Variants in LY96 observed in about 807,000 individuals in gnomAD.
LY96 encodes the protein lymphocyte antigen 96.
LY96 carries 18 observed loss-of-function variants against 18.9 expected under a neutral mutation model. That is an observed-to-expected ratio of 0.95 (90% CI 0.66 to 1.41). LY96 has a LOEUF of 1.41. LY96 is among the 40% of genes most tolerant of loss of function. The probability of loss-of-function intolerance (pLI) is 0.00; values close to 1 mark genes in which losing one functional copy is unlikely to be tolerated. For missense variants in LY96, 175 were observed against 182.4 expected (o/e 0.96, Z 0.23); for synonymous variants, 66 against 62.6 (o/e 1.06, Z -0.26).
chr8:74,046,269 A>G, the LY96 span, among the ~76,000 whole-genome samples: 1 of 151,986 alleles, frequency 6.6e-6, no homozygotes, highest in Non-Finnish European at 1.5e-5. Context: ...ACAGAGTGAG[A>G]CTCCTTCTCA....
chr8:74,034,987 A>G, the LY96 span, among the ~76,000 whole-genome samples: 1 of 152,252 alleles, frequency 6.6e-6, no homozygotes, highest in East Asian at 1.9e-4. Flanking sequence ...AATTACTGAC[A>G]GGATAAAGAT....
chr8:74,054,928 G>GCAGGGT, the LY96 span, among the ~76,000 whole-genome samples: 1 of 151,594 alleles, frequency 6.6e-6, no homozygotes, highest in Non-Finnish European at 1.5e-5. Flanking sequence ...AATTTTTGAT[G>GCAGGGT]CAGGGTCTCA....
chr8:74,059,152 A>G, the LY96 span, among the ~76,000 whole-genome samples: 5 of 152,346 alleles, frequency 3.3e-5, no homozygotes, highest in East Asian at 9.6e-4. Context: ...ACCCAGCAAT[A>G]GTGTTTAATC....
chr8:74,060,156 C>CG, the LY96 span, among the ~76,000 whole-genome samples: 9 of 151,340 alleles, frequency 5.9e-5, no homozygotes, highest in African/African-American at 1.7e-4. Context: ...CAAACAACAA[C>CG]AACGACGACG....
chr8:74,010,125 G>A lies in LY96; in HGVS notation c.327G>A (p.Lys109=), dbSNP rs749317494. 6.2e-7 allele frequency: 1 copy of A among 1,612,590 alleles called. No individual in the cohort carries two copies. Among genetic ancestry groups the A allele is most frequent in the Admixed American group, 1.7e-5 (1 of 60,006 alleles). The change falls in exon 3 of 5, where the codon AAG becomes AAA. Residue 109 remains lysine (K), a synonymous_variant. Coordinates refer to ENST00000284818, the MANE Select transcript of LY96 (RefSeq NM_015364.5). The stretch of plus-strand genomic sequence containing the variant: ...ATTACTCTTTTTGCAGAGCTCTGAA[G>A]GGAGGTAAGTATTCAGTTCATATTA... ...DDDYSFCRAL[K]GETVNTTISF...
At chr8:74,037,437 T>A in the LY96 span, among the ~76,000 whole-genome samples, 53 of 152,162 alleles carry the variant, frequency 3.5e-4, no homozygotes, top group Middle Eastern at 6.8e-3. Context: ...AAGACCAGCC[T>A]GAGCAACACT....
chr8:74,046,903 C>CTTTTT, the LY96 span, among the ~76,000 whole-genome samples: 8 of 135,166 alleles, frequency 5.9e-5, no homozygotes, highest in African/African-American at 1.4e-4. Flanking sequence ...CATTCTCATT[C>CTTTTT]TTTTTTTTTT....
At chr8:74,054,517 T>C in the LY96 span, among the ~76,000 whole-genome samples, 4 of 140,314 alleles carry the variant, frequency 2.9e-5, no homozygotes, top group Non-Finnish European at 6.2e-5. Context: ...TTCTTTTCTT[T>C]CTTTTCCTTC....
the LY96 span, among the ~76,000 whole-genome samples, chr8:74,097,697 C>T: frequency 4.2e-4 from 64 of 151,924 alleles, no homozygotes; most frequent in African/African-American, 1.5e-3. Context: ...CAGAGCAAGA[C>T]TCTGTCTCAA....
intron 2 of LY96, among the ~76,000 whole-genome samples, chr8:74,009,374 C>CAAAAAAAAAAAAAAAAA (rs370593442): frequency 1.4e-4 from 8 of 58,810 alleles, no homozygotes; most frequent in Admixed American, 3.9e-4. Context: ...CAGTCTTTCT[C>CAAAAAAAAAAAAAAAAA]AAAAAAAAAA....
chr8:74,000,109 T>G (rs1816233114), intron 1 of LY96, among the ~76,000 whole-genome samples: 1 of 152,224 alleles, frequency 6.6e-6, no homozygotes. Context: ...CCTATCTTAA[T>G]GATCTATGAA....
the LY96 span, among the ~76,000 whole-genome samples, chr8:74,065,760 A>C: frequency 6.6e-6 from 1 of 152,260 alleles, no homozygotes; most frequent in African/African-American, 2.4e-5. Context: ...ATTGAATTAC[A>C]GTAGCTATTA....
the LY96 span, among the ~76,000 whole-genome samples, chr8:74,035,280 T>C: frequency 6.6e-6 from 1 of 152,112 alleles, no homozygotes; most frequent in Non-Finnish European, 1.5e-5. Flanking sequence ...GGCCCTTCAA[T>C]TGGCTATAAG....
the LY96 span, among the ~76,000 whole-genome samples, chr8:74,059,679 T>C: frequency 1.3e-5 from 2 of 152,228 alleles, no homozygotes; most frequent in African/African-American, 4.8e-5. Context: ...TCAAATGGAT[T>C]ACAGGTCTAA....
the LY96 span, among the ~76,000 whole-genome samples, chr8:74,065,196 G>A: frequency 6.6e-6 from 1 of 152,176 alleles, no homozygotes; most frequent in Non-Finnish European, 1.5e-5. Context: ...CCAAACCAAT[G>A]TAATGATTTA....
At chr8:74,019,645 A>G (rs1269933755) in intron 3 of LY96, among the ~76,000 whole-genome samples, 10 of 152,132 alleles carry the variant, frequency 6.6e-5, no homozygotes, top group African/African-American at 2.4e-4. Flanking sequence ...CAATATTCCT[A>G]ATGAACATCG....
At chr8:74,090,209 C>T in the LY96 span, among the ~76,000 whole-genome samples, 3 of 152,068 alleles carry the variant, frequency 2.0e-5, no homozygotes, top group Non-Finnish European at 1.5e-5. Flanking sequence ...CTAAGGCATT[C>T]TTAGCTGAGG....
the LY96 span, among the ~76,000 whole-genome samples, chr8:74,087,456 G>A: frequency 2.0e-5 from 3 of 152,112 alleles, no homozygotes; most frequent in East Asian, 1.9e-4. Flanking sequence ...CCTCAGAAAA[G>A]CCACCAAAAC....
rs147043603 is a variant in LY96, at chr8:74,004,808, A to G, written c.125A>G (p.Tyr42Cys). The change falls in exon 2 of 5, where the codon TAC (tyrosine) becomes TGC (cysteine). Residue 42 changes from tyrosine (Y) to cysteine (C), a missense_variant. Coordinates refer to ENST00000284818, the MANE Select transcript of LY96 (RefSeq NM_015364.5). ...ISYTYCDKMQ[Y>C]PISINVNPCI... ...TTATTGCTTTTAGATAAAATGCAATACCCAATTTCAATTAATGTTAACCCC... is the reference window on the plus strand; with the variant it reads ...TTATTGCTTTTAGATAAAATGCAATGCCCAATTTCAATTAATGTTAACCCC... 5.7e-6 allele frequency: 9 copies of G among 1,573,536 alleles called. No homozygotes were observed. The African/African-American group carries it at 1.2e-4, about 21-fold the overall frequency.
Sources: allele counts gnomAD v4.1 joint callset (sites outside exome capture counted in the v4.1 genomes callset), GRCh38; gene constraint gnomAD v4.1.1; transcripts MANE v1.5; gene names NCBI Gene and HGNC (gene_info 2026-07-23, HGNC 2026-07-21).